The following KMT2E variants were observed in gnomAD, a reference collection of about 807,000 sequenced individuals.
KMT2E encodes lysine methyltransferase 2E (inactive).
In KMT2E, 30 loss-of-function variants were observed where a neutral mutation model predicts 184.6. That is an observed-to-expected ratio of 0.16 (90% CI 0.12 to 0.22). The LOEUF is 0.22. KMT2E is among the 10% of genes least tolerant of loss of function. KMT2E has a pLI of 1.00. For missense variants in KMT2E, 2,023 were observed against 2,237.4 expected (o/e 0.90, Z 1.93); for synonymous variants, 815 against 776.5 (o/e 1.05, Z -0.82).
chr7:105,103,695 T>TTTAC (rs911970661), intron 17 of KMT2E: 3 of 152,100 alleles, frequency 2.0e-5, no homozygotes, highest in Admixed American at 6.6e-5. Context: ...TGCTAAAATG[T>TTTAC]TTACAGTGGT....
intron 1 of KMT2E, among the ~76,000 whole-genome samples, chr7:105,015,666 C>A (rs1439510929): frequency 6.6e-6 from 1 of 151,986 alleles, no homozygotes; most frequent in Admixed American, 6.6e-5. Flanking sequence ...TTTACAGATT[C>A]TAAAAATGGC....
intron 20 of KMT2E, 36 bp downstream of exon 20, chr7:105,106,808 C>G (rs142375084): frequency 6.3e-7 from 1 of 1,594,968 alleles, no homozygotes; most frequent in East Asian, 2.2e-5. Context: ...AAATTCAACA[C>G]TTGGGGGGAT....
At position 105,044,989 on chromosome 7, in the gene KMT2E, A is replaced by G. The variant is rs550011116; in HGVS notation, c.71+3966A>G. Among the ~76,000 whole-genome samples the G allele has an allele frequency of 5.9e-5, 9 of 152,320 alleles. No individual in the cohort carries two copies. The South Asian group carries it at 1.9e-3, about 32-fold the overall frequency. ...AGTATCACCTGAAGGGGTCAAAGGT[A>G]GGGCCTGGGTGACTCATTTGGATTA... On this transcript the variant is annotated intron_variant, in intron 3 of 26. Transcript: ENST00000311117.
intron 11 of KMT2E, 104 bp from the exon 12 acceptor site, chr7:105,078,742 A>G (rs898382093): frequency 1.2e-5 from 6 of 505,658 alleles, no homozygotes; most frequent in East Asian, 4.0e-5. Flanking sequence ...TCCTGGACTC[A>G]AGCAATCCAC....
At chr7:105,102,762 T>C (rs556148640) in intron 17 of KMT2E, 3 of 153,020 alleles carry the variant, frequency 2.0e-5, no homozygotes, top group East Asian at 3.8e-4. Flanking sequence ...GTACAGCAGA[T>C]TGGGGCAGAG....
At chr7:105,015,511 T>G (rs542027073) in intron 1 of KMT2E, among the ~76,000 whole-genome samples, 249 of 152,320 alleles carry the variant, frequency 1.6e-3, no homozygotes, top group African/African-American at 5.6e-3. Flanking sequence ...GTAAGGTGTT[T>G]GGAGTTCTGG....
At chr7:105,039,315 T>G (rs1353179805) in intron 2 of KMT2E, 1 of 152,194 alleles carries the variant, frequency 6.6e-6, no homozygotes, top group African/African-American at 2.4e-5. Flanking sequence ...GACATACTAG[T>G]AAATAAATAC....
Position 105,112,346 on chromosome 7 carries a change from A to G in KMT2E, c.4590A>G (p.Thr1530=), listed in dbSNP as rs1799337785. ...TQTPSGQSSA[T]YSQFNQQSLN... is the part of the protein sequence containing the mutation. Reference sequence around the variant, plus strand: ...CACCCTCAGGACAATCTTCAGCAACATACAGTCAGTTTAACCAACAAAGTC... The same window carrying G: ...CACCCTCAGGACAATCTTCAGCAACGTACAGTCAGTTTAACCAACAAAGTC... The change falls in exon 27 of 27, where the codon ACA becomes ACG. Residue 1530 remains threonine, a synonymous_variant. Coordinates refer to ENST00000311117, the MANE Select transcript of KMT2E (RefSeq NM_182931.3). 3.7e-6 allele frequency: 6 copies of G among 1,613,430 alleles called. 1 individual carries two copies. In the South Asian group the frequency reaches 5.5e-5, roughly 15 times the overall value.
intron 6 of KMT2E, among the ~76,000 whole-genome samples, chr7:105,067,679 A>G (rs766051066): frequency 3.6e-4 from 55 of 152,194 alleles, no homozygotes; most frequent in Non-Finnish European, 7.2e-4. Context: ...TACAAAAATA[A>G]TTACAAACCG....
chr7:105,099,219 T>C (rs1322339773), intron 15 of KMT2E, among the ~76,000 whole-genome samples: 2 of 152,246 alleles, frequency 1.3e-5, no homozygotes, highest in Non-Finnish European at 2.9e-5. Flanking sequence ...GCTTAAGCTT[T>C]ATTCTTACCC....
intron 4 of KMT2E, 148 bp from the exon 5 acceptor site, chr7:105,063,203 C>T (rs990031505): frequency 1.7e-6 from 1 of 580,966 alleles, no homozygotes; most frequent in Non-Finnish European, 2.9e-6. Context: ...TTCACCAAGT[C>T]ATTTTTTTAA....
At chr7:105,061,656 A>G (rs1411846998) in intron 3 of KMT2E, among the ~76,000 whole-genome samples, 1 of 152,130 alleles carries the variant, frequency 6.6e-6, no homozygotes, top group East Asian at 1.9e-4. Flanking sequence ...TTCAGGTATA[A>G]ATCCTGGTTT....
chr7:105,106,797 A>C (rs1299538824), intron 20 of KMT2E, 25 bp downstream of exon 20: 3 of 1,605,790 alleles, frequency 1.9e-6, no homozygotes, highest in Non-Finnish European at 2.6e-6. Context: ...TGGAGAAAAA[A>C]AAATTCAACA....
chr7:105,021,164 C>T (rs1327154588), intron 1 of KMT2E, among the ~76,000 whole-genome samples: 1 of 152,152 alleles, frequency 6.6e-6, no homozygotes, highest in Non-Finnish European at 1.5e-5. Flanking sequence ...GGACTGTGGT[C>T]CAGTAGCCAT....
chr7:105,057,447 G>A (rs1381559297), intron 3 of KMT2E, among the ~76,000 whole-genome samples: 1 of 151,488 alleles, frequency 6.6e-6, no homozygotes, highest in Non-Finnish European at 1.5e-5. Flanking sequence ...TGTTTTTTTT[G>A]TTTGTTTTTG....
At chr7:105,096,592 C>T (rs914809117) in intron 15 of KMT2E, among the ~76,000 whole-genome samples, 1 of 152,154 alleles carries the variant, frequency 6.6e-6, no homozygotes, top group African/African-American at 2.4e-5. Flanking sequence ...ACATAAACTT[C>T]ATGAGGGAAA....
At chr7:105,021,202 C>T (rs1301252476) in intron 1 of KMT2E, among the ~76,000 whole-genome samples, 1 of 152,220 alleles carries the variant, frequency 6.6e-6, no homozygotes, top group Non-Finnish European at 1.5e-5. Context: ...TGGTCTGATA[C>T]ATAGTAACTC....
intron 1 of KMT2E, among the ~76,000 whole-genome samples, chr7:105,036,180 T>C (rs1305576055): frequency 6.8e-6 from 1 of 146,810 alleles, no homozygotes; most frequent in Admixed American, 6.8e-5. Flanking sequence ...TTTTGGTTTT[T>C]TTTTTTGTTT....
At position 105,101,994 on chromosome 7, in the gene KMT2E, C is replaced by T. The variant is rs1798675173; in HGVS notation, c.1996C>T (p.Arg666Trp). Residue 666 changes from arginine to tryptophan, a missense_variant, in exon 17 of 27, where the codon CGG (arginine) becomes TGG (tryptophan). Around this residue, in one of 8 missense-constraint regions of KMT2E, gnomAD observed 514 missense variants for 621.8 expected, o/e 0.83. Coordinates refer to ENST00000311117, the MANE Select transcript of KMT2E (RefSeq NM_182931.3). ...TAGGACTCACATTGGACAGCAGCGTCGGAGACACAGAACTGTCAGCATGTG... is the reference window on the plus strand; with the variant it reads ...TAGGACTCACATTGGACAGCAGCGTTGGAGACACAGAACTGTCAGCATGTG... ...RSRTHIGQQR[R>W]RHRTVSMCSD... 6.2e-7 allele frequency: 1 copy of T among 1,613,864 alleles called. No individual in the cohort carries two copies. Among genetic ancestry groups the T allele is most frequent in the Non-Finnish European group, 8.5e-7 (1 of 1,179,870 alleles).
Sources: gnomAD v4.1 joint callset for allele counts (sites outside exome capture counted in the v4.1 genomes callset) on GRCh38, gnomAD v4.1.1 for gene constraint, gnomAD v4.1.1 regional missense constraint, MANE v1.5 for transcripts, NCBI Gene and HGNC (gene_info 2026-07-23, HGNC 2026-07-21) for gene names.